The following PALD1 variants were observed in gnomAD, a reference collection of about 807,000 sequenced individuals.
PALD1 encodes the protein paladin.
Under a neutral mutation model 96.0 loss-of-function variants are expected in PALD1, and 57 were observed. The observed-to-expected ratio is 0.59, with a 90% CI of 0.48 to 0.74. PALD1 has a LOEUF of 0.74. PALD1 is among the 30% of genes least tolerant of loss of function. The pLI is 0.00. For missense variants in PALD1, 1,063 were observed against 1,143.7 expected, an observed-to-expected ratio of 0.93 and a Z score of 1.02; for synonymous variants, 464 against 473.6, an observed-to-expected ratio of 0.98 and a Z score of 0.26.
chr10:70,549,138 A>G (rs1176846650), intron 18 of PALD1, among the ~76,000 whole-genome samples: 1 of 151,814 alleles, frequency 6.6e-6, no homozygotes, highest in African/African-American at 2.4e-5. Context: ...GAATTTAGGA[A>G]GAACTGTTTT....
intron 18 of PALD1, among the ~76,000 whole-genome samples, chr10:70,561,554 G>A (rs962559432): frequency 2.0e-5 from 3 of 152,092 alleles, no homozygotes; most frequent in African/African-American, 7.2e-5. Context: ...TGTTGTTGTT[G>A]TTCACTCCCC....
chr10:70,529,932 T>G lies in PALD1; in HGVS notation c.332T>G (p.Val111Gly). 1 of 1,613,792 alleles carries G rather than the reference T, an allele frequency of 6.2e-7. No homozygotes were observed. Among genetic ancestry groups the G allele is most frequent in the Middle Eastern group, 1.6e-4 (1 of 6,080 alleles). The change falls in exon 4 of 20, where the codon GTG becomes GGG. Residue 111 changes from valine to glycine, a missense_variant. Coordinates refer to ENST00000263563, the MANE Select transcript of PALD1 (RefSeq NM_014431.3). Reference protein sequence around the residue: ...LVRDVTEKMDVLGTVGSCGAP... With the variant: ...LVRDVTEKMDGLGTVGSCGAP... ...CGGGATGTCACTGAGAAGATGGATG[T>G]GCTGGGCACCGTGGGAAGCTGTGGG...
chr10:70,541,750 TG>T (rs2132401022), intron 17 of PALD1, among the ~76,000 whole-genome samples: 1 of 152,254 alleles, frequency 6.6e-6, no homozygotes, highest in Non-Finnish European at 1.5e-5. Context: ...GCTATGGAGA[TG>T]TGGGCTGGAC....
intron 1 of PALD1, among the ~76,000 whole-genome samples, chr10:70,524,206 T>C (rs560213765): frequency 6.6e-6 from 1 of 152,246 alleles, no homozygotes; most frequent in African/African-American, 2.4e-5. Context: ...ATTGTCCTGG[T>C]GCTTCTGCAG....
At chr10:70,476,743 T>C (rs1222796912), upstream of PALD1, among the ~76,000 whole-genome samples, 1 of 152,056 alleles carries the variant, frequency 6.6e-6, no homozygotes, top group Non-Finnish European at 1.5e-5. Context: ...AATGAATGTA[T>C]GGAGACGTGC....
chr10:70,559,517 G>A (rs531300285), intron 18 of PALD1, among the ~76,000 whole-genome samples: 4 of 152,264 alleles, frequency 2.6e-5, no homozygotes, highest in African/African-American at 4.8e-5. Context: ...AGCAGGGGGC[G>A]GGAGAGGTGG....
At chr10:70,548,046 C>G (rs376246446) in intron 18 of PALD1, among the ~76,000 whole-genome samples, 1 of 152,172 alleles carries the variant, frequency 6.6e-6, no homozygotes, top group South Asian at 2.1e-4. Context: ...TGGCTCACCC[C>G]TGTAATCCTA....
chr10:70,513,833 C>T (rs1286748856), intron 1 of PALD1, among the ~76,000 whole-genome samples: 1 of 152,192 alleles, frequency 6.6e-6, no homozygotes, highest in Non-Finnish European at 1.5e-5. Context: ...TGGAGGCAGG[C>T]AACTAGGGGT....
intron 1 of PALD1, among the ~76,000 whole-genome samples, chr10:70,508,237 T>C (rs1156763385): frequency 6.6e-6 from 1 of 152,214 alleles, no homozygotes; most frequent in African/African-American, 2.4e-5. Context: ...AAAGGCAACA[T>C]TTCTGCCATC....
intron 1 of PALD1, among the ~76,000 whole-genome samples, chr10:70,492,239 A>G (rs1846110701): frequency 6.6e-6 from 1 of 152,086 alleles, no homozygotes; most frequent in South Asian, 2.1e-4. Flanking sequence ...TAAGTCATAT[A>G]CAGACGGTCC....
chr10:70,568,210 A>G lies in PALD1; in HGVS notation c.*1477A>G, dbSNP rs1229688762. On this transcript the variant is annotated 3_prime_UTR_variant, in exon 20 of 20. Coordinates refer to ENST00000263563, the MANE Select transcript of PALD1 (RefSeq NM_014431.3). ...TAATTTCTTTGCAGACAAGGTCTAG[A>G]TGCGGAGTCAGAGATGGGACTGAAT... 6.5e-6 allele frequency: 1 copy of G among 152,742 alleles called. No homozygotes were observed. Among genetic ancestry groups the G allele is most frequent in the African/African-American group, 2.4e-5 (1 of 41,418 alleles). 9.5% of individuals were successfully genotyped at this position (152,742 alleles called of 1,614,324 possible). A position where few individuals can be genotyped will look rare whatever the true frequency, so the allele number is the denominator to read the frequency against.
intron 1 of PALD1, among the ~76,000 whole-genome samples, chr10:70,488,048 A>C (rs954140128): frequency 6.6e-6 from 1 of 152,212 alleles, no homozygotes; most frequent in Non-Finnish European, 1.5e-5. Flanking sequence ...TGGATGATTT[A>C]ATCAGTTCCA....
rs1847156359 is a variant in PALD1 at position 70,538,273 on chromosome 10, G to A, written c.1324-7G>A. On this transcript the variant is annotated splice_region_variant and splice_polypyrimidine_tract_variant and intron_variant, in intron 11 of 19. Coordinates refer to ENST00000263563, the MANE Select transcript of PALD1 (RefSeq NM_014431.3). ...TGAATTCCTCGTCTCTCTGCCTCGG[G>A]CTGCAGTACCCGCTGGCCTTTGCCC... The A allele has an allele frequency of 1.9e-6, 3 of 1,600,896 alleles. No homozygotes were observed. Among genetic ancestry groups the A allele is most frequent in the East Asian group, 2.2e-5 (1 of 44,868 alleles).
rs1847343837 is a variant in PALD1 at position 70,545,501 on chromosome 10, A to G, written c.2122-1805A>G. On this transcript the variant is annotated intron_variant, in intron 17 of 19. Coordinates refer to ENST00000263563, the MANE Select transcript of PALD1 (RefSeq NM_014431.3). ...ACAGATTTGGAGGGGAACTCAGCAC[A>G]GGGTGGCTGGGAGGGCCTGTGGGGG... is the stretch of plus-strand genomic sequence containing the variant. 2.6e-5 allele frequency among the ~76,000 whole-genome samples: 4 copies of G among 152,080 alleles called. No homozygotes were observed. In the South Asian group the frequency reaches 8.3e-4, roughly 32 times the overall value.
intron 17 of PALD1, among the ~76,000 whole-genome samples, chr10:70,543,700 G>A (rs1847301426): frequency 6.6e-6 from 1 of 152,164 alleles, no homozygotes; most frequent in African/African-American, 2.4e-5. Context: ...ATATGTATAA[G>A]GGTTTTATTT....
At chr10:70,484,231 G>C (rs901496741) in intron 1 of PALD1, among the ~76,000 whole-genome samples, 9 of 152,138 alleles carry the variant, frequency 5.9e-5, no homozygotes, top group Non-Finnish European at 2.9e-5. Context: ...TCAAACTCCT[G>C]ATCTCAGGTG....
intron 1 of PALD1, among the ~76,000 whole-genome samples, chr10:70,514,455 C>A (rs186506959): frequency 6.6e-6 from 1 of 152,136 alleles, no homozygotes; most frequent in Non-Finnish European, 1.5e-5. Context: ...TCCCAGCCCC[C>A]AGACAGCTTT....
In PALD1 at chr10:70,532,653, A is replaced by G; in HGVS notation, c.666A>G (p.Thr222=). Residue 222 remains threonine (T), a synonymous_variant, in exon 6 of 20, where the codon ACA becomes ACG. Coordinates refer to ENST00000263563, the MANE Select transcript of PALD1 (RefSeq NM_014431.3). ...ACTTTGCCCAGCTGAGCGAGAACAC[A>G]TACCATGTGTACCATAACACCGAGG... The part of the protein sequence containing the change: ...IHDFAQLSEN[T]YHVYHNTEDL... 2.5e-6 allele frequency: 4 copies of G among 1,614,156 alleles called. No homozygotes were observed. The highest frequency in any genetic ancestry group is 1.3e-5 in the African/African-American group (1 of 75,032).
At chr10:70,535,439 G>A (rs868508589) in intron 10 of PALD1, among the ~76,000 whole-genome samples, 124 of 82,130 alleles carry the variant, frequency 1.5e-3, no homozygotes, top group South Asian at 5.3e-3. Context: ...TCCTCCCCCC[G>A]CTTCCTCCTT....
Sources: gnomAD v4.1 joint callset for allele counts (sites outside exome capture counted in the v4.1 genomes callset) on GRCh38, gnomAD v4.1.1 for gene constraint, MANE v1.5 for transcripts, NCBI Gene and HGNC (gene_info 2026-07-23, HGNC 2026-07-21) for gene names.